FRAS1: variants seen among roughly 807,000 people sequenced by gnomAD.
FRAS1 encodes the protein extracellular matrix organizing protein FRAS1.
FRAS1 carries 290 observed loss-of-function variants against 435.2 expected under a neutral mutation model. The ratio of observed to expected loss-of-function variants is 0.67; its 90% CI spans 0.61 to 0.73. The LOEUF (loss-of-function observed/expected upper bound fraction) is 0.73. Ranked by LOEUF, FRAS1 falls within the 30% of genes least tolerant of loss-of-function variation. The pLI is 0.00. For synonymous variants in FRAS1, 1,800 were observed against 1,851.0 expected, an observed-to-expected ratio of 0.97 and a Z score of 0.71; for missense variants, 4,860 against 5,001.5, an observed-to-expected ratio of 0.97 and a Z score of 0.85.
intron 29 of FRAS1, among the ~76,000 whole-genome samples, chr4:78,389,559 A>G (rs1732364446): frequency 6.6e-6 from 1 of 152,192 alleles, no homozygotes; most frequent in African/African-American, 2.4e-5. Flanking sequence ...CCACCTTGCA[A>G]CTCATCCTAA....
chr4:78,243,256 T>TA (rs1725085124), intron 3 of FRAS1, among the ~76,000 whole-genome samples: 7 of 152,156 alleles, frequency 4.6e-5, no homozygotes, highest in Admixed American at 3.3e-4. Flanking sequence ...CATATGCATA[T>TA]AAATGTGTGG....
Position 78,534,579 on chromosome 4 carries a change from C to G in FRAS1, c.11056C>G (p.Leu3686Val), listed in dbSNP as rs4975139. 6 of 1,612,852 alleles carry G rather than the reference C, an allele frequency of 3.7e-6. No individual in the cohort carries two copies. The Admixed American group carries it at 8.3e-5, about 22-fold the overall frequency. ...LMDPNTSDMS[L>V]AEMDYKGAFS... ...GGATCCCAATACATCTGATATGTCA[C>G]TAGCAGAAATGGATTACAAAGGAGC... The change falls in exon 71 of 74, where the codon CTA becomes GTA. Residue 3686 changes from leucine to valine, a missense_variant. Coordinates refer to ENST00000512123, the MANE Select transcript of FRAS1 (RefSeq NM_025074.7).
At chr4:78,340,017 T>TA (rs1394468193) in intron 20 of FRAS1, among the ~76,000 whole-genome samples, 1 of 152,218 alleles carries the variant, frequency 6.6e-6, no homozygotes, top group Non-Finnish European at 1.5e-5. Flanking sequence ...AGGGCATATT[T>TA]AAAAAATACA....
chr4:78,073,748 T>C (rs1178472934), intron 2 of FRAS1, among the ~76,000 whole-genome samples: 1 of 152,158 alleles, frequency 6.6e-6, no homozygotes, highest in African/African-American at 2.4e-5. Flanking sequence ...CAAATGACAA[T>C]TGAGTTAAGC....
chr4:78,225,878 A>C (rs932133083), intron 2 of FRAS1, among the ~76,000 whole-genome samples: 1 of 152,148 alleles, frequency 6.6e-6, no homozygotes, highest in Non-Finnish European at 1.5e-5. Flanking sequence ...TTTATCTTTT[A>C]ACATGTTCCT....
intron 29 of FRAS1, among the ~76,000 whole-genome samples, chr4:78,399,300 G>C (rs959732019): frequency 6.6e-6 from 1 of 152,166 alleles, no homozygotes; most frequent in African/African-American, 2.4e-5. Context: ...GTGAGCAAAA[G>C]AATAGATGTT....
At chr4:78,270,487 A>G (rs868318838) in intron 9 of FRAS1, among the ~76,000 whole-genome samples, 30 of 151,980 alleles carry the variant, frequency 2.0e-4, no homozygotes, top group African/African-American at 6.7e-4. Flanking sequence ...GTATTTTGCT[A>G]TAAGCTTTAA....
At chr4:78,358,025 C>G (rs549671253) in intron 20 of FRAS1, among the ~76,000 whole-genome samples, 1 of 152,062 alleles carries the variant, frequency 6.6e-6, no homozygotes, top group Non-Finnish European at 1.5e-5. Flanking sequence ...GCTTCCTGGT[C>G]CAATGGGGGA....
At chr4:78,304,950 T>C (rs1476263365) in intron 14 of FRAS1, among the ~76,000 whole-genome samples, 3 of 152,208 alleles carry the variant, frequency 2.0e-5, no homozygotes, top group Non-Finnish European at 4.4e-5. Context: ...TTAATTGTGA[T>C]GTCAGGGTGT....
chr4:78,445,565 A>C lies in FRAS1; in HGVS notation c.5709A>C (p.Ser1903=). ...AAACTGCCAGTGACCTAGAGGCATC[A>C]TTTCCTATTCAAGACGTCCTGGAAA... ...GPETASDLEA[S]FPIQDVLENY... is the part of the protein sequence containing the mutation. Residue 1903 remains serine (S), a synonymous_variant, in exon 42 of 74, where the codon TCA becomes TCC. Coordinates refer to ENST00000512123, the MANE Select transcript of FRAS1 (RefSeq NM_025074.7). 1 of 1,611,064 alleles carries C rather than the reference A, an allele frequency of 6.2e-7. No individual in the cohort carries two copies. The highest frequency in any genetic ancestry group is 8.5e-7 in the Non-Finnish European group (1 of 1,178,160).
At chr4:78,100,312 T>C (rs1011677637) in intron 2 of FRAS1, among the ~76,000 whole-genome samples, 9 of 152,204 alleles carry the variant, frequency 5.9e-5, no homozygotes, top group African/African-American at 2.2e-4. Flanking sequence ...TTTAAAACCT[T>C]AGTTAGAAAA....
At chr4:78,102,281 C>T (rs1415168772) in intron 2 of FRAS1, among the ~76,000 whole-genome samples, 1 of 152,104 alleles carries the variant, frequency 6.6e-6, no homozygotes, top group Non-Finnish European at 1.5e-5. Context: ...AGAAAACATC[C>T]CCATTTCTAA....
chr4:78,258,072 G>C (rs1007269651), intron 6 of FRAS1, among the ~76,000 whole-genome samples: 1 of 152,138 alleles, frequency 6.6e-6, no homozygotes, highest in Non-Finnish European at 1.5e-5. Flanking sequence ...CAGGCATGGT[G>C]GTTCATGCTT....
chr4:78,292,872 C>T (rs182908875), intron 14 of FRAS1, among the ~76,000 whole-genome samples: 2 of 152,310 alleles, frequency 1.3e-5, no homozygotes, highest in African/African-American at 4.8e-5. Flanking sequence ...TCATTTTGTT[C>T]TACTCTTTAA....
At chr4:78,518,446 A>ATTTATTTATT (rs57703897) in intron 66 of FRAS1, among the ~76,000 whole-genome samples, 45 of 106,892 alleles carry the variant, frequency 4.2e-4, no homozygotes, top group African/African-American at 1.4e-3. Context: ...ATATATATAT[A>ATTTATTTATT]TATATATTTA....
Position 78,475,502 on chromosome 4 carries a change from C to G in FRAS1, c.7747C>G (p.Gln2583Glu), listed in dbSNP as rs1719828511. Reference protein sequence around the residue: ...VTVQRTGNLNQYAIVLCRTEQ... With the variant: ...VTVQRTGNLNEYAIVLCRTEQ... ...GGTGCAGAGGACTGGGAACCTGAAC[C>G]AATATGCCATCGTCCTGTGTCGCAC... The change falls in exon 54 of 74, where the codon CAA becomes GAA. Residue 2583 changes from glutamine (Q) to glutamate (E), a missense_variant. Coordinates refer to ENST00000512123, the MANE Select transcript of FRAS1 (RefSeq NM_025074.7). The G allele has an allele frequency of 6.2e-7, 1 of 1,613,762 alleles. No homozygotes were observed. Among genetic ancestry groups the G allele is most frequent in the Admixed American group, 1.7e-5 (1 of 59,992 alleles).
intron 47 of FRAS1, among the ~76,000 whole-genome samples, chr4:78,463,464 T>A (rs564927095): frequency 6.6e-6 from 1 of 152,206 alleles, no homozygotes; most frequent in Non-Finnish European, 1.5e-5. Context: ...TAAAGTGGGA[T>A]GGGAGAAGCT....
intron 67 of FRAS1, among the ~76,000 whole-genome samples, chr4:78,521,240 A>AT (rs1022963689): frequency 1.3e-5 from 2 of 151,836 alleles, no homozygotes; most frequent in Non-Finnish European, 2.9e-5. Context: ...TTTAAGATTC[A>AT]TTTTTTTGCT....
At chr4:78,148,139 A>G (rs1184339168) in intron 2 of FRAS1, among the ~76,000 whole-genome samples, 2 of 149,700 alleles carry the variant, frequency 1.3e-5, no homozygotes, top group Admixed American at 6.7e-5. Flanking sequence ...GGGATTGTTG[A>G]TTTTTTTTTT....
Sources: allele counts gnomAD v4.1 joint callset (sites outside exome capture counted in the v4.1 genomes callset), GRCh38; gene constraint gnomAD v4.1.1; transcripts MANE v1.5; gene names NCBI Gene and HGNC (gene_info 2026-07-23, HGNC 2026-07-21).